KCNN3: variants seen among roughly 807,000 people sequenced by gnomAD.
KCNN3 encodes the protein potassium calcium-activated channel subfamily N member 3.
Under a neutral mutation model 62.9 loss-of-function variants are expected in KCNN3, and 16 were observed. The observed-to-expected ratio is 0.25, with a 90% confidence interval of 0.17 to 0.39. The LOEUF is 0.39. Ranked by LOEUF, KCNN3 falls within the 10% of genes least tolerant of loss-of-function variation. The probability of loss-of-function intolerance (pLI) is 1.00; values close to 1 mark genes in which losing one functional copy is unlikely to be tolerated. For missense variants in KCNN3, 599 were observed against 949.4 expected, an observed-to-expected ratio of 0.63 and a Z score of 4.85; for synonymous variants, 370 against 389.2, an observed-to-expected ratio of 0.95 and a Z score of 0.58.
intron 3 of KCNN3, among the ~76,000 whole-genome samples, chr1:154,759,776 G>A (rs1647914781): frequency 1.3e-5 from 2 of 152,284 alleles, no homozygotes; most frequent in Admixed American, 6.5e-5. Flanking sequence ...GCAGAAGAGA[G>A]TGAAGGGAAA....
At chr1:154,830,591 G>A (rs1389601883) in intron 1 of KCNN3, among the ~76,000 whole-genome samples, 1 of 152,224 alleles carries the variant, frequency 6.6e-6, no homozygotes, top group Non-Finnish European at 1.5e-5. Flanking sequence ...CGTGAAGGAA[G>A]CCAGTGGTCT....
intron 2 of KCNN3, among the ~76,000 whole-genome samples, chr1:154,788,668 C>T (rs1270608629): frequency 4.6e-5 from 7 of 152,160 alleles, no homozygotes; most frequent in Admixed American, 6.5e-5. Context: ...GCACAGCCCA[C>T]GCCGCCAAAC....
intron 1 of KCNN3, among the ~76,000 whole-genome samples, chr1:154,839,688 G>T (rs574550447): frequency 6.6e-6 from 1 of 152,300 alleles, no homozygotes; most frequent in South Asian, 2.1e-4. Context: ...CCTCGCCTGG[G>T]GCAGACTCGG....
intron 3 of KCNN3, among the ~76,000 whole-genome samples, chr1:154,739,968 C>T (rs1379545922): frequency 6.6e-6 from 1 of 152,240 alleles, no homozygotes; most frequent in Non-Finnish European, 1.5e-5. Context: ...TTAAGCTGCA[C>T]CTGAATTCCT....
intron 2 of KCNN3, among the ~76,000 whole-genome samples, chr1:154,818,178 G>A (rs1027533702): frequency 3.9e-5 from 6 of 152,214 alleles, no homozygotes; most frequent in African/African-American, 1.4e-4. Context: ...AAAGGTCCGT[G>A]CTCCAAAACG....
chr1:154,721,302 T>A (rs1291194732), intron 5 of KCNN3, among the ~76,000 whole-genome samples: 1 of 21,562 alleles, frequency 4.6e-5, no homozygotes, highest in Non-Finnish European at 1.4e-4. Context: ...TTTTCTTTCC[T>A]TTTTTTTTTT....
Position 154,870,052 on chromosome 1 carries a change from T to A in KCNN3, c.-88A>T. The A allele has an allele frequency of 7.0e-7, 1 of 1,436,298 alleles. No individual in the cohort carries two copies. Among genetic ancestry groups the A allele is most frequent in the East Asian group, 2.5e-5 (1 of 40,792 alleles). 89.0% of individuals were successfully genotyped at this position (1,436,298 alleles called of 1,614,324 possible). A position where few individuals can be genotyped will look rare whatever the true frequency, so the allele number is the denominator to read the frequency against. ...AGATGTCCTCAAAGAAAGCCAGGCA[T>A]CCAATCTCCCCCACCAGTATCTTGG... On this transcript the variant is annotated 5_prime_UTR_variant, in exon 1 of 8. The change abolishes an upstream ATG in the 5' untranslated region. Coordinates refer to ENST00000271915, the MANE Select transcript of KCNN3 (RefSeq NM_002249.6).
At chr1:154,834,164 G>T (rs1287679805) in intron 1 of KCNN3, among the ~76,000 whole-genome samples, 1 of 152,154 alleles carries the variant, frequency 6.6e-6, no homozygotes, top group Non-Finnish European at 1.5e-5. Context: ...TAGCTCTCTG[G>T]CACCAGACTG....
intron 3 of KCNN3, among the ~76,000 whole-genome samples, chr1:154,761,424 C>T (rs1648007447): frequency 1.3e-5 from 2 of 151,874 alleles, no homozygotes; most frequent in South Asian, 2.1e-4. Context: ...GCCAAGATTG[C>T]GCCACTGCAC....
At chr1:154,856,202 G>A (rs1216454457) in intron 1 of KCNN3, among the ~76,000 whole-genome samples, 1 of 152,220 alleles carries the variant, frequency 6.6e-6, no homozygotes, top group African/African-American at 2.4e-5. Flanking sequence ...CAGGAGACAA[G>A]CAGGACTCGT....
chr1:154,860,951 G>GTTTTTTTTT, intron 1 of KCNN3, among the ~76,000 whole-genome samples: 1 of 112,052 alleles, frequency 8.9e-6, no homozygotes, highest in Non-Finnish European at 1.7e-5. Context: ...TGCCACCCAA[G>GTTTTTTTTT]TTTTTTTTTT....
chr1:154,701,524 A>T lies in KCNN3; in HGVS notation c.*6452T>A, dbSNP rs1408140216. 6 of 152,232 alleles carry T rather than the reference A, an allele frequency of 3.9e-5. No homozygotes were observed. The highest frequency in any genetic ancestry group is 5.9e-5 in the Non-Finnish European group (4 of 68,046). 9.4% of individuals were successfully genotyped at this position (152,232 alleles called of 1,614,324 possible). ...TGTCTCAGCTGCTCTGTAGAGAAAG[A>T]GGGGTGTAGATTCCATGAGTTGCTT... On this transcript the variant is annotated 3_prime_UTR_variant, in exon 8 of 8. Transcript: ENST00000271915.
At chr1:154,720,374 A>C (rs935752248) in intron 5 of KCNN3, among the ~76,000 whole-genome samples, 4 of 152,248 alleles carry the variant, frequency 2.6e-5, no homozygotes. Context: ...GAGAATTAGC[A>C]TTCCTGATAA....
intron 5 of KCNN3, among the ~76,000 whole-genome samples, chr1:154,719,960 G>A (rs1180915617): frequency 8.5e-5 from 13 of 152,296 alleles, no homozygotes; most frequent in South Asian, 2.1e-4. Flanking sequence ...GTGTATTTCC[G>A]TTGTTCAGAG....
chr1:154,865,763 C>G (rs865894638), intron 1 of KCNN3, among the ~76,000 whole-genome samples: 4 of 152,096 alleles, frequency 2.6e-5, no homozygotes, highest in African/African-American at 9.7e-5. Flanking sequence ...AGGCCACAAC[C>G]CCACGGAAAA....
chr1:154,750,047 C>A (rs1029697916), intron 3 of KCNN3, among the ~76,000 whole-genome samples: 1 of 152,174 alleles, frequency 6.6e-6, no homozygotes, highest in African/African-American at 2.4e-5. Context: ...TGGTCCGGCC[C>A]CAACTGCCCA....
intron 3 of KCNN3, among the ~76,000 whole-genome samples, chr1:154,738,783 C>T (rs574331552): frequency 3.3e-5 from 5 of 152,280 alleles, no homozygotes; most frequent in African/African-American, 7.2e-5. Flanking sequence ...ACTAAGCAAA[C>T]AAACAAACAC....
chr1:154,799,897 C>T (rs774817990), intron 2 of KCNN3, among the ~76,000 whole-genome samples: 14 of 152,206 alleles, frequency 9.2e-5, no homozygotes, highest in Non-Finnish European at 1.6e-4. Context: ...CTCTGCATCC[C>T]ACGTTGGGAG....
chr1:154,773,695 T>TCCCAAGGTCCC (rs1553232698), intron 2 of KCNN3, among the ~76,000 whole-genome samples: 1 of 152,218 alleles, frequency 6.6e-6, no homozygotes, highest in Admixed American at 6.5e-5. Context: ...TTGAGCCACT[T>TCCCAAGGTCCC]CCCAAGGTCC....
Sources: gnomAD v4.1 joint callset for allele counts (sites outside exome capture counted in the v4.1 genomes callset) on GRCh38, gnomAD v4.1.1 for gene constraint, MANE v1.5 for transcripts, NCBI Gene and HGNC (gene_info 2026-07-23, HGNC 2026-07-21) for gene names.